The following LRRTM4 variants were observed in gnomAD, a reference collection of about 807,000 sequenced individuals.
LRRTM4 encodes the protein leucine-rich repeat transmembrane neuronal protein 4.
In LRRTM4, 25 loss-of-function variants were observed where a neutral mutation model predicts 47.6. The ratio of observed to expected loss-of-function variants is 0.53; its 90% CI spans 0.38 to 0.73. The LOEUF (loss-of-function observed/expected upper bound fraction) is 0.73, where lower values mean the gene tolerates loss of function less well. LRRTM4 is among the 30% of genes least tolerant of loss of function. LRRTM4 has a pLI of 0.00. For synonymous variants in LRRTM4, 311 were observed against 269.5 expected, an observed-to-expected ratio of 1.15 and a Z score of -1.51; for missense variants, 638 against 713.4, an observed-to-expected ratio of 0.89 and a Z score of 1.20.
intron 3 of LRRTM4, among the ~76,000 whole-genome samples, chr2:77,044,399 GC>G (rs1207855698): frequency 6.6e-6 from 1 of 151,678 alleles, no homozygotes; most frequent in Non-Finnish European, 1.5e-5. Flanking sequence ...TTCTATGGAA[GC>G]TCAAAAATGC....
intron 3 of LRRTM4, among the ~76,000 whole-genome samples, chr2:77,207,372 T>TATACACAC (rs59335400): frequency 1.2e-3 from 162 of 131,096 alleles, no homozygotes; most frequent in African/African-American, 5.0e-3. Context: ...TATATATATA[T>TATACACAC]ACACACACAC....
At chr2:76,932,176 T>C (rs1013985345) in intron 3 of LRRTM4, among the ~76,000 whole-genome samples, 9 of 152,100 alleles carry the variant, frequency 5.9e-5, no homozygotes, top group Non-Finnish European at 1.3e-4. Flanking sequence ...TATCCAGATG[T>C]GATCACCTCC....
intron 3 of LRRTM4, among the ~76,000 whole-genome samples, chr2:77,099,519 A>T (rs1344680322): frequency 6.6e-6 from 1 of 152,062 alleles, no homozygotes; most frequent in African/African-American, 2.4e-5. Flanking sequence ...CCAGAAAATA[A>T]TTACATTCAG....
chr2:76,994,471 G>A (rs1055114681), intron 3 of LRRTM4, among the ~76,000 whole-genome samples: 9 of 151,800 alleles, frequency 5.9e-5, no homozygotes, highest in African/African-American at 2.2e-4. Flanking sequence ...AAATCAGCGT[G>A]AAGCTTTGGC....
intron 3 of LRRTM4, among the ~76,000 whole-genome samples, chr2:77,419,467 T>A (rs1315075847): frequency 6.6e-6 from 1 of 152,184 alleles, no homozygotes; most frequent in Non-Finnish European, 1.5e-5. Context: ...CTTTTAATCA[T>A]CTCTAGATTA....
intron 3 of LRRTM4, among the ~76,000 whole-genome samples, chr2:77,372,283 G>C (rs977567375): frequency 2.0e-5 from 3 of 151,722 alleles, no homozygotes; most frequent in Admixed American, 1.3e-4. Flanking sequence ...GGACAAAACT[G>C]TCCAGAGACA....
At chr2:77,161,428 A>C (rs1672724975) in intron 3 of LRRTM4, among the ~76,000 whole-genome samples, 1 of 152,170 alleles carries the variant, frequency 6.6e-6, no homozygotes, top group Non-Finnish European at 1.5e-5. Flanking sequence ...GGCTTTGAGC[A>C]GTATCTCCCA....
At chr2:77,025,090 A>T (rs553316666) in intron 3 of LRRTM4, among the ~76,000 whole-genome samples, 2 of 152,268 alleles carry the variant, frequency 1.3e-5, no homozygotes, top group East Asian at 1.9e-4. Flanking sequence ...AATTAGTGGG[A>T]ATTTATATCA....
At chr2:77,406,000 T>A (rs1266182620) in intron 3 of LRRTM4, among the ~76,000 whole-genome samples, 2 of 152,102 alleles carry the variant, frequency 1.3e-5, no homozygotes, top group African/African-American at 4.8e-5. Flanking sequence ...TAACACTTGG[T>A]CCATCTCCAG....
At chr2:77,331,009 T>C (rs903947713) in intron 3 of LRRTM4, among the ~76,000 whole-genome samples, 7 of 152,166 alleles carry the variant, frequency 4.6e-5, no homozygotes, top group Non-Finnish European at 1.0e-4. Context: ...TCATTAAGTA[T>C]GTCTGTGTGA....
intron 3 of LRRTM4, among the ~76,000 whole-genome samples, chr2:77,464,148 A>C (rs2103977917): frequency 6.6e-6 from 1 of 152,204 alleles, no homozygotes; most frequent in Non-Finnish European, 1.5e-5. Context: ...ATGCAGGCTT[A>C]TGCAGAACCT....
At chr2:77,052,449 G>C (rs1679468572) in intron 3 of LRRTM4, among the ~76,000 whole-genome samples, 1 of 151,954 alleles carries the variant, frequency 6.6e-6, no homozygotes, top group East Asian at 1.9e-4. Flanking sequence ...GATTACAGGT[G>C]TGAGCCACCA....
intron 3 of LRRTM4, among the ~76,000 whole-genome samples, chr2:77,465,708 CAT>C (rs1676956997): frequency 1.3e-5 from 2 of 152,158 alleles, no homozygotes. Flanking sequence ...GTAAGAAACA[CAT>C]ATGTTTCTGC....
chr2:76,870,997 G>C (rs1025141900), intron 3 of LRRTM4, among the ~76,000 whole-genome samples: 1 of 152,166 alleles, frequency 6.6e-6, no homozygotes, highest in Non-Finnish European at 1.5e-5. Flanking sequence ...TCCTGACTAT[G>C]CTTACAGAGC....
chr2:77,128,722 C>G (rs1671719177), intron 3 of LRRTM4, among the ~76,000 whole-genome samples: 1 of 152,190 alleles, frequency 6.6e-6, no homozygotes, highest in Admixed American at 6.5e-5. Context: ...TTGCTGCTAC[C>G]TCCGCCTCCC....
chr2:76,748,154 G>T lies in LRRTM4; in HGVS notation c.*541C>A, dbSNP rs1250893742. ...GCTTTAATGCTCATGTTTTGTATTAGAAACTTGACCAGGAAAGAAAAAAAT... is the reference window on the plus strand; with the variant it reads ...GCTTTAATGCTCATGTTTTGTATTATAAACTTGACCAGGAAAGAAAAAAAT... On this transcript the variant is annotated 3_prime_UTR_variant, in exon 4 of 4. Transcript: ENST00000409884. 1.3e-5 allele frequency: 2 copies of T among 152,762 alleles called. No individual in the cohort carries two copies. The highest frequency in any genetic ancestry group is 2.9e-5 in the Non-Finnish European group (2 of 68,730). 9.5% of individuals were successfully genotyped at this position (152,762 alleles called of 1,614,324 possible).
In LRRTM4 at chr2:76,830,788, A is replaced by G. The variant is rs185396253; in HGVS notation, c.1552-81872T>C. Among the ~76,000 whole-genome samples the G allele has an allele frequency of 1.3e-3, 203 of 152,196 alleles. 1 individual carries two copies. The highest frequency in any genetic ancestry group is 4.7e-3 in the African/African-American group (195 of 41,570). Reference sequence around the variant, plus strand: ...TTAAAAAGGTAAAAATTTCTATATTAAACAATTTAAAGTAGAGCAGGTGAG... The same window carrying G: ...TTAAAAAGGTAAAAATTTCTATATTGAACAATTTAAAGTAGAGCAGGTGAG... On this transcript the variant is annotated intron_variant, in intron 3 of 3. Transcript: ENST00000409884.
chr2:77,177,356 ATGTCTCTTAGAATG>A (rs1304185815), intron 3 of LRRTM4, among the ~76,000 whole-genome samples: 5 of 152,118 alleles, frequency 3.3e-5, no homozygotes, highest in Non-Finnish European at 5.9e-5. Flanking sequence ...ATTATTTTTC[ATGTCTCTTAGAATG>A]TGTCTTAGGA....
intron 3 of LRRTM4, among the ~76,000 whole-genome samples, chr2:76,993,876 T>C (rs543898043): frequency 1.3e-5 from 2 of 152,082 alleles, no homozygotes; most frequent in Admixed American, 6.6e-5. Flanking sequence ...ATTCATGGAT[T>C]TGATAAAGAA....
Sources: gnomAD v4.1 joint callset for allele counts (sites outside exome capture counted in the v4.1 genomes callset) on GRCh38, gnomAD v4.1.1 for gene constraint, MANE v1.5 for transcripts, NCBI Gene and HGNC (gene_info 2026-07-23, HGNC 2026-07-21) for gene names.